The following PCDHGA5 variants were observed in gnomAD, a reference collection of about 807,000 sequenced individuals.
The protein encoded by PCDHGA5 is protocadherin gamma-A5.
A neutral mutation model predicts 56.7 loss-of-function variants in PCDHGA5; 36 were observed. The observed-to-expected ratio is 0.64, with a 90% CI of 0.49 to 0.84. The LOEUF (loss-of-function observed/expected upper bound fraction) is 0.84, where lower values mean the gene tolerates loss of function less well. Among genes scored for constraint, PCDHGA5 ranks in the 40% least tolerant of loss-of-function variants. The pLI is 0.00. For missense variants in PCDHGA5, 1,305 were observed against 1,201.5 expected (o/e 1.09, Z -1.27); for synonymous variants, 563 against 520.2 (o/e 1.08, Z -1.12).
intron 1 of PCDHGA5, chr5:141,374,635 C>A (rs759050511): frequency 3.7e-6 from 6 of 1,612,926 alleles, no homozygotes; most frequent in Non-Finnish European, 4.2e-6. Flanking sequence ...ACGTGCAAAG[C>A]GAAGCCCATG....
chr5:141,371,587 C>T, intron 1 of PCDHGA5: 2 of 1,613,898 alleles, frequency 1.2e-6, no homozygotes, highest in Non-Finnish European at 1.7e-6. Flanking sequence ...GTTCAAGATA[C>T]CAAAAACACA....
intron 1 of PCDHGA5, among the ~76,000 whole-genome samples, chr5:141,406,174 G>T (rs990967391): frequency 6.6e-6 from 1 of 151,264 alleles, no homozygotes; most frequent in African/African-American, 2.4e-5. Context: ...CTGGGCTTAT[G>T]CAATCCTCCC....
chr5:141,478,716 G>T, intron 1 of PCDHGA5: 1 of 1,545,206 alleles, frequency 6.5e-7, no homozygotes. Flanking sequence ...TGAGATGGTG[G>T]CCTGCCAGAG....
At chr5:141,376,955 G>A (rs1473018804) in intron 1 of PCDHGA5, 1 of 163,724 alleles carries the variant, frequency 6.1e-6, no homozygotes, top group Admixed American at 5.9e-5. Flanking sequence ...CCAAAGTGCT[G>A]GGATTACAGG....
Position 141,383,719 on chromosome 5 carries a change from A to C in PCDHGA5, c.2421+16968A>C, listed in dbSNP as rs779948364. The C allele has an allele frequency of 6.2e-6, 10 of 1,613,982 alleles. No individual in the cohort carries two copies. The East Asian group carries it at 2.2e-4, about 36-fold the overall frequency. ...TGCTATCGACCTGGACGAGGGAGTCAATGGGGAAGTGACATATTCTTTTCG... is the reference window on the plus strand; with the variant it reads ...TGCTATCGACCTGGACGAGGGAGTCCATGGGGAAGTGACATATTCTTTTCG... On this transcript the variant is annotated intron_variant, in intron 1 of 3. Transcript: ENST00000518069.
intron 1 of PCDHGA5, chr5:141,417,619 C>A: frequency 1.5e-6 from 1 of 656,120 alleles, no homozygotes; most frequent in South Asian, 2.4e-5. Flanking sequence ...CAGTGCAGAG[C>A]AAGCGCTGAC....
intron 1 of PCDHGA5, chr5:141,375,733 G>C: frequency 6.2e-7 from 1 of 1,614,248 alleles, no homozygotes; most frequent in South Asian, 1.1e-5. Context: ...CACTGAGCCT[G>C]TTTGTGCTGG....
Position 141,394,457 on chromosome 5 carries a change from G to A in PCDHGA5, c.2421+27706G>A, listed in dbSNP as rs375756271. 4 of 1,614,096 alleles carry A rather than the reference G, an allele frequency of 2.5e-6. No homozygotes were observed. The African/African-American group carries it at 4.0e-5, about 16-fold the overall frequency. On this transcript the variant is annotated intron_variant, in intron 1 of 3. Transcript: ENST00000518069. Reference sequence around the variant, plus strand: ...CGCCCCTCAGCAGCAACATGTCACTGAGCCTGTTCGTGCTGGACCAGAATG... The same window carrying A: ...CGCCCCTCAGCAGCAACATGTCACTAAGCCTGTTCGTGCTGGACCAGAATG...
In PCDHGA5 at chr5:141,454,796, A is replaced by ATTTTTTTTTTTTTTTTTTT. The variant is rs61612330; in HGVS notation, c.2422-40000_2422-39982dup. Among the ~76,000 whole-genome samples the ATTTTTTTTTTTTTTTTTTT allele has an allele frequency of 2.8e-4, 22 of 77,458 alleles. 2 individuals are homozygous for ATTTTTTTTTTTTTTTTTTT. Among genetic ancestry groups the ATTTTTTTTTTTTTTTTTTT allele is most frequent in the East Asian group, 4.0e-4 (1 of 2,512 alleles). The allele number at this position is 77,458 out of a possible 152,430, so 50.8% of individuals were successfully genotyped here. The stretch of plus-strand genomic sequence containing the variant: ...AAGGAAATAATCCTCCATGGTTCTA[A>ATTTTTTTTTTTTTTTTTTT]TTTTTTTTTTTTTTTTTTTTTTTTT... On this transcript the variant is annotated intron_variant, in intron 1 of 3. Coordinates refer to ENST00000518069, the MANE Select transcript of PCDHGA5 (RefSeq NM_018918.3).
chr5:141,382,690 G>T, intron 1 of PCDHGA5: 1 of 448,422 alleles, frequency 2.2e-6, no homozygotes, highest in Middle Eastern at 5.6e-4. Flanking sequence ...AGGGAAAAAT[G>T]GTGCGAGAGA....
At position 141,421,030 on chromosome 5, in the gene PCDHGA5, G is replaced by A. The variant is rs989158485; in HGVS notation, c.2421+54279G>A. The stretch of plus-strand genomic sequence containing the variant: ...GGAATGGGAAGCTGCGCGCCATTGA[G>A]TCCCTCCCTCCCCCGCCTCTACCAC... On this transcript the variant is annotated intron_variant, in intron 1 of 3. Coordinates refer to ENST00000518069, the MANE Select transcript of PCDHGA5 (RefSeq NM_018918.3). 39 of 532,352 alleles carry A rather than the reference G, an allele frequency of 7.3e-5. No homozygotes were observed. In the East Asian group the frequency reaches 1.2e-3, roughly 17 times the overall value. 33.0% of individuals were successfully genotyped at this position (532,352 alleles called of 1,614,324 possible). A position where few individuals can be genotyped will look rare whatever the true frequency, so the allele number is the denominator to read the frequency against.
At chr5:141,403,701 A>C in intron 1 of PCDHGA5, 2 of 1,613,934 alleles carry the variant, frequency 1.2e-6, no homozygotes, top group South Asian at 2.2e-5. Flanking sequence ...TACCGAGTTA[A>C]AGTCCTTGAG....
At chr5:141,403,281 T>A in intron 1 of PCDHGA5, 1 of 1,613,908 alleles carries the variant, frequency 6.2e-7, no homozygotes, top group Non-Finnish European at 8.5e-7. Context: ...AAAGTCCTGG[T>A]TGAAGACAGA....
At chr5:141,381,572 T>A (rs566489339) in intron 1 of PCDHGA5, among the ~76,000 whole-genome samples, 1 of 152,338 alleles carries the variant, frequency 6.6e-6, no homozygotes, top group African/African-American at 2.4e-5. Flanking sequence ...ATGAAAAGAA[T>A]CAGCCAATCC....
chr5:141,401,586 A>G (rs1174763520), intron 1 of PCDHGA5, among the ~76,000 whole-genome samples: 2 of 152,228 alleles, frequency 1.3e-5, no homozygotes, highest in Admixed American at 1.3e-4. Context: ...ATCCTGACAT[A>G]TTCTTGAAGA....
intron 1 of PCDHGA5, chr5:141,423,627 C>T (rs925883716): frequency 6.2e-7 from 1 of 1,604,886 alleles, no homozygotes; most frequent in African/African-American, 1.3e-5. Context: ...ACTCAGCTAT[C>T]ATTTTAGGCA....
Position 141,366,694 on chromosome 5 carries a change from C to T in PCDHGA5, c.2364C>T (p.Ser788=). The T allele has an allele frequency of 1.2e-6, 2 of 1,614,214 alleles. No individual in the cohort carries two copies. Among genetic ancestry groups the T allele is most frequent in the Non-Finnish European group, 1.7e-6 (2 of 1,180,032 alleles). ...TTAGTGAAGAGAGCTGTGAGAAAAG[C>T]GAGCCTCTTCTGATGTCTGATAAGG... ...TLLSEESCEK[S]EPLLMSDKVD... is the part of the protein sequence containing the mutation. Residue 788 remains serine, a synonymous_variant, in exon 1 of 4, where the codon AGC becomes AGT. Coordinates refer to ENST00000518069, the MANE Select transcript of PCDHGA5 (RefSeq NM_018918.3).
chr5:141,384,035 A>G (rs774600484), intron 1 of PCDHGA5: 2 of 1,613,378 alleles, frequency 1.2e-6, no homozygotes, highest in Non-Finnish European at 1.7e-6. Context: ...TCTGGAAAGA[A>G]TGGTGAGGTG....
At chr5:141,498,971 G>GGGAGGGAAGGAAGGAA (rs2099787588) in intron 2 of PCDHGA5, among the ~76,000 whole-genome samples, 1 of 110,970 alleles carries the variant, frequency 9.0e-6, no homozygotes, top group African/African-American at 3.6e-5. Flanking sequence ...GAGGGAGGGA[G>GGGAGGGAAGGAAGGAA]GGAAGGAAGG....
Sources: gnomAD v4.1 joint callset for allele counts (sites outside exome capture counted in the v4.1 genomes callset) on GRCh38, gnomAD v4.1.1 for gene constraint, MANE v1.5 for transcripts, NCBI Gene and HGNC (gene_info 2026-07-23, HGNC 2026-07-21) for gene names.